The following ACYP2 variants were observed in gnomAD, a reference collection of about 807,000 sequenced individuals.
ACYP2 encodes acylphosphatase-2.
In ACYP2, 12 loss-of-function variants were observed where a neutral mutation model predicts 11.2. That is an observed-to-expected ratio of 1.08 (90% CI 0.69 to 1.74). ACYP2 has a LOEUF of 1.74. Ranked by LOEUF, ACYP2 falls within the 40% of genes most tolerant of loss-of-function variation. The pLI, the probability that ACYP2 is intolerant of heterozygous loss-of-function variation, is 0.00. For synonymous variants in ACYP2, 43 were observed against 32.2 expected (o/e 1.33, Z -1.13); for missense variants, 134 against 101.9 (o/e 1.31, Z -1.35).
intron 6 of ACYP2, among the ~76,000 whole-genome samples, chr2:54,162,086 G>A (rs1350100692): frequency 2.0e-5 from 3 of 151,898 alleles, no homozygotes; most frequent in Non-Finnish European, 4.4e-5. Flanking sequence ...TCCAAATTCA[G>A]GCCTCAGAGA....
At chr2:54,027,837 C>CTTTCTTTTTTTTTTTTTT (rs772573473) in intron 2 of ACYP2, among the ~76,000 whole-genome samples, 1 of 97,892 alleles carries the variant, frequency 1.0e-5, no homozygotes, top group African/African-American at 4.2e-5. Context: ...TTCTTTCTTT[C>CTTTCTTTTTTTTTTTTTT]TTTTTTTTTT....
intron 2 of ACYP2, among the ~76,000 whole-genome samples, chr2:54,022,355 G>T (rs1674051487): frequency 6.6e-6 from 1 of 152,106 alleles, no homozygotes; most frequent in Admixed American, 6.6e-5. Context: ...TTGAGACAGG[G>T]TCTCACCCTG....
chr2:54,014,749 GTTTCTTT>G (rs1220003965), intron 2 of ACYP2, among the ~76,000 whole-genome samples: 15 of 151,090 alleles, frequency 9.9e-5, no homozygotes, highest in African/African-American at 3.4e-4. Flanking sequence ...TTTCTTTTTT[GTTTCTTT>G]TTATTTATTT....
intron 6 of ACYP2, among the ~76,000 whole-genome samples, chr2:54,248,866 A>G (rs1229139992): frequency 2.0e-5 from 3 of 152,204 alleles, no homozygotes; most frequent in Non-Finnish European, 2.9e-5. Context: ...AGGTTTTGGA[A>G]AGATGATTTA....
chr2:54,087,650 T>C (rs776656080), intron 4 of ACYP2, among the ~76,000 whole-genome samples: 4 of 152,138 alleles, frequency 2.6e-5, no homozygotes, highest in African/African-American at 7.2e-5. Flanking sequence ...CTAATTTCAT[T>C]CTTGAATACA....
chr2:54,236,579 T>C (rs2103975898), intron 6 of ACYP2, among the ~76,000 whole-genome samples: 1 of 152,334 alleles, frequency 6.6e-6, no homozygotes, highest in Middle Eastern at 3.4e-3. Context: ...TTCAATTCTT[T>C]GGAATTTGTG....
intron 6 of ACYP2, among the ~76,000 whole-genome samples, chr2:54,292,719 TCTCTGAATTCTC>T (rs1689363226): frequency 1.3e-5 from 2 of 151,858 alleles, no homozygotes; most frequent in Non-Finnish European, 2.9e-5. Context: ...CGTGTATGTA[TCTCTGAATTCTC>T]CTTTGAACTG....
At chr2:54,023,435 T>C (rs896639299) in intron 2 of ACYP2, among the ~76,000 whole-genome samples, 1 of 152,170 alleles carries the variant, frequency 6.6e-6, no homozygotes, top group African/African-American at 2.4e-5. Context: ...GATGACAGCC[T>C]ACCTGATTTT....
At chr2:54,110,176 G>T (rs1473087640) in intron 4 of ACYP2, among the ~76,000 whole-genome samples, 1 of 152,128 alleles carries the variant, frequency 6.6e-6, no homozygotes, top group East Asian at 1.9e-4. Flanking sequence ...ATAGTATAAT[G>T]AATCCCCATC....
intron 6 of ACYP2, among the ~76,000 whole-genome samples, chr2:54,287,589 AC>A (rs1377533851): frequency 6.6e-6 from 1 of 151,872 alleles, no homozygotes; most frequent in African/African-American, 2.4e-5. Context: ...TACTGGACAT[AC>A]CTTTGGATCC....
At chr2:54,249,519 T>C (rs1214912829) in intron 6 of ACYP2, among the ~76,000 whole-genome samples, 1 of 151,744 alleles carries the variant, frequency 6.6e-6, no homozygotes, top group East Asian at 1.9e-4. Context: ...GGCCATGGCA[T>C]GGGTAAAGTC....
At chr2:54,050,326 T>A (rs1294302510) in intron 2 of ACYP2, among the ~76,000 whole-genome samples, 1 of 151,982 alleles carries the variant, frequency 6.6e-6, no homozygotes, top group African/African-American at 2.4e-5. Flanking sequence ...GGTGGGTGGA[T>A]CATGTGAGGC....
chr2:54,018,544 G>A (rs1423414425), intron 2 of ACYP2, among the ~76,000 whole-genome samples: 2 of 152,052 alleles, frequency 1.3e-5, no homozygotes, highest in East Asian at 3.9e-4. Context: ...TAGGTGTGGT[G>A]GCTCATGCTT....
chr2:54,225,148 A>G (rs1375937900), intron 6 of ACYP2, among the ~76,000 whole-genome samples: 1 of 152,190 alleles, frequency 6.6e-6, no homozygotes, highest in African/African-American at 2.4e-5. Context: ...GTTAGTTACT[A>G]GGGATACACA....
chr2:53,982,208 T>A (rs17189589), intron 2 of ACYP2, among the ~76,000 whole-genome samples: 1 of 152,142 alleles, frequency 6.6e-6, no homozygotes, highest in African/African-American at 2.4e-5. Context: ...AATGGGATTA[T>A]CTGCATGCAT....
chr2:54,061,904 C>A (rs1676489903), intron 4 of ACYP2, among the ~76,000 whole-genome samples: 1 of 152,036 alleles, frequency 6.6e-6, no homozygotes, highest in Admixed American at 6.6e-5. Flanking sequence ...TGAGACCCTG[C>A]CTCTATAAAA....
chr2:54,029,748 A>G (rs1002347364), intron 2 of ACYP2: 13 of 597,546 alleles, frequency 2.2e-5, no homozygotes, highest in Non-Finnish European at 2.9e-5. Context: ...AACAATGCCA[A>G]CAGCATGCTG....
intron 4 of ACYP2, among the ~76,000 whole-genome samples, chr2:54,058,115 T>G (rs1390624617): frequency 1.3e-5 from 2 of 152,162 alleles, no homozygotes; most frequent in Admixed American, 6.5e-5. Flanking sequence ...TCTTCCTAAA[T>G]TTAGTAAATA....
intron 4 of ACYP2, among the ~76,000 whole-genome samples, chr2:54,064,567 C>G (rs547384722): frequency 6.6e-6 from 1 of 152,228 alleles, no homozygotes; most frequent in African/African-American, 2.4e-5. Context: ...AGCCAGAGTC[C>G]ACGTCTGCTT....
Sources: gnomAD v4.1 joint callset for allele counts (sites outside exome capture counted in the v4.1 genomes callset) on GRCh38, gnomAD v4.1.1 for gene constraint, MANE v1.5 for transcripts, NCBI Gene and HGNC (gene_info 2026-07-23, HGNC 2026-07-21) for gene names.